The following ERBB2 variants were observed in gnomAD, a reference collection of about 807,000 sequenced individuals.
ERBB2 encodes the protein receptor tyrosine-protein kinase erbB-2.
ERBB2 carries 61 observed loss-of-function variants against 149.0 expected under a neutral mutation model. The observed-to-expected ratio is 0.41, with a 90% CI of 0.33 to 0.51. The LOEUF (loss-of-function observed/expected upper bound fraction) is 0.51, where lower values mean the gene tolerates loss of function less well. Ranked by LOEUF, ERBB2 falls within the 20% of genes least tolerant of loss-of-function variation. The pLI is 0.25. For synonymous variants in ERBB2, 633 were observed against 678.8 expected (o/e 0.93, Z 1.05); for missense variants, 1,205 against 1,655.1 (o/e 0.73, Z 4.72).
chr17:39,725,998 C>T lies in ERBB2; in HGVS notation c.2872+145C>T. 1 of 786,096 alleles carries T rather than the reference C, an allele frequency of 1.3e-6. No homozygotes were observed. The highest frequency in any genetic ancestry group is 1.7e-5 in the South Asian group (1 of 58,050). The allele number at this position is 786,096 out of a possible 1,614,324, so 48.7% of individuals were successfully genotyped here. On this transcript the variant is annotated intron_variant, in intron 23 of 26. Coordinates refer to ENST00000269571, the MANE Select transcript of ERBB2 (RefSeq NM_004448.4). This position sits in a 1 kb window ranked among gnomAD's most constrained non-coding sequence, Gnocchi z 4.6. ...GGAGCCTCAAAACCTTCTTGTATCCCTTTTACAGTCAAAGTCCAAAGCCAC... is the reference window on the plus strand; with the variant it reads ...GGAGCCTCAAAACCTTCTTGTATCCTTTTTACAGTCAAAGTCCAAAGCCAC...
At chr17:39,690,512 G>A (rs2057671984), upstream of ERBB2, among the ~76,000 whole-genome samples, 1 of 152,162 alleles carries the variant, frequency 6.6e-6, no homozygotes, top group Non-Finnish European at 1.5e-5. Context: ...AGCAATCCTA[G>A]GTTAATGGTG....
chr17:39,724,796 C>T lies in ERBB2; in HGVS notation c.2378C>T (p.Thr793Met), dbSNP rs766958268. 2 of 1,614,216 alleles carry T rather than the reference C, an allele frequency of 1.2e-6. No individual in the cohort carries two copies. Among genetic ancestry groups the T allele is most frequent in the African/African-American group, 1.3e-5 (1 of 75,050 alleles). Reference sequence around the variant, plus strand: ...CTTCTGGGCATCTGCCTGACATCCACGGTGCAGCTGGTGACACAGCTTATG... The same window carrying T: ...CTTCTGGGCATCTGCCTGACATCCATGGTGCAGCTGGTGACACAGCTTATG... ...SRLLGICLTS[T>M]VQLVTQLMPY... The change falls in exon 20 of 27, where the codon ACG (threonine) becomes ATG (methionine). Residue 793 changes from threonine (T) to methionine (M), a missense_variant. Thr to Met is a moderately conservative substitution (Grantham distance 81). This residue lies in a region of ERBB2 where 152 missense variants were observed against 318.1 expected (regional missense o/e 0.48). Transcript: ENST00000269571.
chr17:39,700,132 C>A lies in ERBB2; in HGVS notation c.-107C>A. 7.6e-7 allele frequency: 1 copy of A among 1,309,534 alleles called. No homozygotes were observed. Among genetic ancestry groups the A allele is most frequent in the Non-Finnish European group, 9.7e-7 (1 of 1,035,324 alleles). 81.1% of individuals were successfully genotyped at this position (1,309,534 alleles called of 1,614,324 possible). A position where few individuals can be genotyped will look rare whatever the true frequency, so the allele number is the denominator to read the frequency against. ...GCCGCGCGCCCCTTCCCACGGGGCC[C>A]TTTACTGCGCCGCGCGCCCGGCCCC... On this transcript the variant is annotated 5_prime_UTR_variant, in exon 1 of 27. Coordinates refer to ENST00000269571, the MANE Select transcript of ERBB2 (RefSeq NM_004448.4).
chr17:39,720,203 G>A (rs1207675404), intron 16 of ERBB2: 1 of 232,754 alleles, frequency 4.3e-6, no homozygotes, highest in African/African-American at 2.3e-5. Flanking sequence ...GCTTCGAGTG[G>A]GAGGTGGCAT....
At chr17:39,716,747 G>C in intron 14 of ERBB2, 142 bp downstream of exon 14, 1 of 746,724 alleles carries the variant, frequency 1.3e-6, no homozygotes, top group South Asian at 1.6e-5. Flanking sequence ...GACCTGAACA[G>C]CAACAGAGTG....
chr17:39,701,422 G>A (rs989382307), intron 1 of ERBB2, among the ~76,000 whole-genome samples: 2 of 152,104 alleles, frequency 1.3e-5, no homozygotes, highest in East Asian at 1.9e-4. Flanking sequence ...ATTCGAAATC[G>A]CTATATGGAT....
chr17:39,690,407 C>T (rs945796353), upstream of ERBB2, among the ~76,000 whole-genome samples: 2 of 152,202 alleles, frequency 1.3e-5, no homozygotes, highest in Non-Finnish European at 2.9e-5. Context: ...ATTTTCGCAG[C>T]TTTCTTATAT....
chr17:39,710,353 T>C lies in ERBB2; in HGVS notation c.773T>C (p.Phe258Ser), dbSNP rs2145517744. 6.2e-7 allele frequency: 1 copy of C among 1,614,142 alleles called. No individual in the cohort carries two copies. Among genetic ancestry groups the C allele is most frequent in the East Asian group, 2.2e-5 (1 of 44,882 alleles). ...CTGTCCCCCCAGGCCTGCCTCCACTTCAACCACAGTGGCATCTGTGAGCTG... is the reference window on the plus strand; with the variant it reads ...CTGTCCCCCCAGGCCTGCCTCCACTCCAACCACAGTGGCATCTGTGAGCTG... ...KHSDCLACLH[F>S]NHSGICELHC... The change falls in exon 7 of 27, where the codon TTC becomes TCC. Residue 258 changes from phenylalanine to serine, a missense_variant. Phe to Ser is a radical substitution (Grantham distance 155). Around this residue, in one of 6 missense-constraint regions of ERBB2, gnomAD observed 569 missense variants for 803.5 expected, o/e 0.71. Transcript: ENST00000269571.
rs2059872380 is a variant in ERBB2, at chr17:39,727,953, A to G, written c.3677A>G (p.Asp1226Gly). Residue 1226 changes from aspartate to glycine, a missense_variant, in exon 27 of 27, where the codon GAC becomes GGC. Asp to Gly is a moderately conservative substitution (Grantham distance 94). This residue lies in a region of ERBB2 where 312 missense variants were observed against 343.8 expected (regional missense o/e 0.91). Transcript: ENST00000269571. The surrounding 1 kb of genome is among the most constrained non-coding windows in gnomAD (Gnocchi z 4.3). ...GACAACCTCTATTACTGGGACCAGGACCCACCAGAGCGGGGGGCTCCACCC... is the reference window on the plus strand; with the variant it reads ...GACAACCTCTATTACTGGGACCAGGGCCCACCAGAGCGGGGGGCTCCACCC... ...AFDNLYYWDQ[D>G]PPERGAPPST... 6.2e-7 allele frequency: 1 copy of G among 1,613,872 alleles called. No individual in the cohort carries two copies. The highest frequency in any genetic ancestry group is 8.5e-7 in the Non-Finnish European group (1 of 1,180,006).
chr17:39,712,293 C>T (rs981393035), intron 8 of ERBB2, 29 bp from the exon 9 acceptor site: 1 of 1,612,794 alleles, frequency 6.2e-7, no homozygotes, highest in Non-Finnish European at 8.5e-7. Flanking sequence ...CTGAGACGGC[C>T]CCTTCCCCAC....
upstream of ERBB2, among the ~76,000 whole-genome samples, chr17:39,694,263 ATATATGTGTG>A (rs2057799818): frequency 3.8e-5 from 1 of 26,522 alleles, no homozygotes; most frequent in African/African-American, 1.1e-4. Flanking sequence ...ATATATATAT[ATATATGTGTG>A]TATATATATA....
In ERBB2 at chr17:39,721,422, C is replaced by T. The variant is rs138144110; in HGVS notation, c.1946+1588C>T. Among the ~76,000 whole-genome samples the T allele has an allele frequency of 2.9e-3, 434 of 152,162 alleles. 4 individuals are homozygous for T. The Middle Eastern group carries it at 0.068, about 24-fold the overall frequency. Reference sequence around the variant, plus strand: ...CCCAGTAGCTGGGATTACAGGCATGCGCTACCACGTCCGGCTAATTTTTGT... The same window carrying T: ...CCCAGTAGCTGGGATTACAGGCATGTGCTACCACGTCCGGCTAATTTTTGT... On this transcript the variant is annotated intron_variant, in intron 16 of 26. Coordinates refer to ENST00000269571, the MANE Select transcript of ERBB2 (RefSeq NM_004448.4).
chr17:39,714,884 C>G (rs1301625822), intron 9 of ERBB2, among the ~76,000 whole-genome samples: 1 of 151,618 alleles, frequency 6.6e-6, no homozygotes, highest in East Asian at 1.9e-4. Flanking sequence ...ATTCTCCTGC[C>G]TCAGCCTCTC....
In ERBB2 at chr17:39,723,179, T is replaced by G; in HGVS notation, c.1947-140T>G. The G allele has an allele frequency of 1.2e-6, 1 of 831,590 alleles. No individual in the cohort carries two copies. Among genetic ancestry groups the G allele is most frequent in the Non-Finnish European group, 1.9e-6 (1 of 530,774 alleles). 51.5% of individuals were successfully genotyped at this position (831,590 alleles called of 1,614,324 possible). A position where few individuals can be genotyped will look rare whatever the true frequency, so the allele number is the denominator to read the frequency against. On this transcript the variant is annotated intron_variant, in intron 16 of 26. Coordinates refer to ENST00000269571, the MANE Select transcript of ERBB2 (RefSeq NM_004448.4). The surrounding 1 kb of genome is among the most constrained non-coding windows in gnomAD (Gnocchi z 6.2). ...CGGGGAGCCAAGGCAGGTTTTAGAGTAGGAGAGGGTCCAAGCCTGTGGGTC... is the reference window on the plus strand; with the variant it reads ...CGGGGAGCCAAGGCAGGTTTTAGAGGAGGAGAGGGTCCAAGCCTGTGGGTC...
At chr17:39,697,648 A>G (rs1302325345), upstream of ERBB2, among the ~76,000 whole-genome samples, 2 of 151,688 alleles carry the variant, frequency 1.3e-5, no homozygotes, top group Non-Finnish European at 2.9e-5. Flanking sequence ...GAGCCACCGC[A>G]CCCAGCCGTG....
At chr17:39,728,657 CAGCT>C (rs2059905399) in exon 27 of ERBB2, 1 of 232,478 alleles carries the variant, frequency 4.3e-6, no homozygotes, top group Non-Finnish European at 8.5e-6. Flanking sequence ...TTTTGGAAAA[CAGCT>C]AGGCACCGGC....
intron 2 of ERBB2, chr17:39,708,052 T>G (rs1322881413): frequency 1.6e-5 from 6 of 376,946 alleles, no homozygotes; most frequent in Non-Finnish European, 1.9e-5. Context: ...CTTTCACTGA[T>G]GAAGAAACTG....
Position 39,706,990 on chromosome 17 carries a change from T to C in ERBB2, c.74T>C (p.Val25Ala), listed in dbSNP as rs755921683. The change falls in exon 2 of 27, where the codon GTG (valine) becomes GCG (alanine). Residue 25 changes from valine to alanine, a missense_variant and splice_region_variant. This residue lies in a region of ERBB2 where 101 missense variants were observed against 95.1 expected (regional missense o/e 1.06). Coordinates refer to ENST00000269571, the MANE Select transcript of ERBB2 (RefSeq NM_004448.4). ...LLPPGAASTQ[V>A]CTGTDMKLRL... ...TGACCCATCTGCTCTCTCCTGCCAGTGTGCACCGGCACAGACATGAAGCTG... is the reference window on the plus strand; with the variant it reads ...TGACCCATCTGCTCTCTCCTGCCAGCGTGCACCGGCACAGACATGAAGCTG... 27 of 1,575,656 alleles carry C rather than the reference T, an allele frequency of 1.7e-5. No individual in the cohort carries two copies. In the Admixed American group the frequency reaches 3.2e-4, roughly 19 times the overall value.
In ERBB2 at chr17:39,716,587, A is replaced by G. The variant is rs1217699821; in HGVS notation, c.1719A>G (p.Ser573=). 6.2e-7 allele frequency: 1 copy of G among 1,614,070 alleles called. No homozygotes were observed. The highest frequency in any genetic ancestry group is 8.5e-7 in the Non-Finnish European group (1 of 1,179,976). The part of the protein sequence containing the change: ...CHPECQPQNG[S]VTCFGPEADQ... The stretch of plus-strand genomic sequence containing the variant: ...CTGAGTGTCAGCCCCAGAATGGCTC[A>G]GTGACCTGTTTTGGACCGGTGAGCT... The change falls in exon 14 of 27, where the codon TCA becomes TCG. Residue 573 remains serine (S), a synonymous_variant. Transcript: ENST00000269571.
Sources: gnomAD v4.1 joint callset for allele counts (sites outside exome capture counted in the v4.1 genomes callset) on GRCh38, gnomAD v4.1.1 for gene constraint, gnomAD v4.1.1 regional missense constraint, Gnocchi (gnomAD v3.1) non-coding constraint, MANE v1.5 for transcripts, NCBI Gene and HGNC (gene_info 2026-07-23, HGNC 2026-07-21) for gene names.